CHRDL1: variants seen among roughly 807,000 people sequenced by gnomAD.
The protein encoded by CHRDL1 is chordin-like protein 1.
In CHRDL1, 19 loss-of-function variants were observed where a neutral mutation model predicts 40.9. The ratio of observed to expected loss-of-function variants is 0.46; its 90% confidence interval spans 0.32 to 0.68. The LOEUF (loss-of-function observed/expected upper bound fraction) is 0.68, where lower values mean the gene tolerates loss of function less well. CHRDL1 is among the 30% of genes least tolerant of loss of function. The pLI is 0.03. For synonymous variants in CHRDL1, 136 were observed against 123.4 expected, an observed-to-expected ratio of 1.10 and a Z score of -0.68; for missense variants, 329 against 352.1, an observed-to-expected ratio of 0.93 and a Z score of 0.53.
intron 2 of CHRDL1, among the ~76,000 whole-genome samples, chrX:110,788,729 T>C (rs1346666795): frequency 8.9e-6 from 1 of 112,120 alleles, no homozygotes; most frequent in Non-Finnish European, 1.9e-5. Flanking sequence ...AGAGCTTTTC[T>C]CCTGTTTTAA....
rs1569456462 is a variant in CHRDL1, at chrX:110,674,506, A to ACACACACACAC, written c.*1724_*1725insGTGTGTGTGTG. ...ACACACACACACACACACACACACA[A>ACACACACACAC]ACTAATGCTTTGTGACCTCTCAACC... On this transcript the variant is annotated 3_prime_UTR_variant, in exon 12 of 12. Transcript: ENST00000372042. 9 of 90,521 alleles carry ACACACACACAC rather than the reference A, an allele frequency of 9.9e-5. No individual in the cohort carries two copies. The highest frequency in any genetic ancestry group is 2.0e-4 in the African/African-American group (5 of 24,906). 7.5% of individuals were successfully genotyped at this position (90,521 alleles called of 1,213,427 possible).
chrX:110,679,645 T>C (rs1050851587), intron 10 of CHRDL1, among the ~76,000 whole-genome samples: 5 of 111,691 alleles, frequency 4.5e-5, no homozygotes, highest in Non-Finnish European at 9.4e-5. Flanking sequence ...GCTTCTCCAG[T>C]GGATGGAGAT....
intron 7 of CHRDL1, among the ~76,000 whole-genome samples, chrX:110,698,368 C>A (rs748738367): frequency 8.9e-6 from 1 of 111,785 alleles, no homozygotes; most frequent in East Asian, 2.8e-4. Flanking sequence ...CCACCTCCCA[C>A]ACCCATTCAT....
rs2069750029 is a variant in CHRDL1 at position 110,675,264 on chromosome X, T to C, written c.*967A>G. On this transcript the variant is annotated 3_prime_UTR_variant, in exon 12 of 12. Transcript: ENST00000372042. ...CTGATCTATTACTTGGTAAATTTTA[T>C]TGATGTGAAAGCAAAAAGATGGCCT... 1.8e-5 allele frequency: 2 copies of C among 112,072 alleles called. No individual in the cohort carries two copies. Among genetic ancestry groups the C allele is most frequent in the Admixed American group, 1.9e-4 (2 of 10,566 alleles). 9.2% of individuals were successfully genotyped at this position (112,072 alleles called of 1,213,427 possible).
chrX:110,691,955 G>T (rs1180455039), intron 8 of CHRDL1, among the ~76,000 whole-genome samples: 1 of 107,342 alleles, frequency 9.3e-6, no homozygotes, highest in Non-Finnish European at 1.9e-5. Flanking sequence ...AAACAGTAAC[G>T]TTCCCTTCTA....
At chrX:110,712,330 C>T (rs2070760538) in intron 6 of CHRDL1, among the ~76,000 whole-genome samples, 1 of 110,667 alleles carries the variant, frequency 9.0e-6, no homozygotes, top group Non-Finnish European at 1.9e-5. Flanking sequence ...CTATTCCAAG[C>T]TTGTGAAAAA....
intron 4 of CHRDL1, among the ~76,000 whole-genome samples, chrX:110,735,151 T>C (rs969388809): frequency 1.8e-5 from 2 of 111,395 alleles, no homozygotes. Context: ...AGCATTCCTT[T>C]GTATTGCCTA....
chrX:110,779,107 G>A (rs2089898749), intron 2 of CHRDL1, among the ~76,000 whole-genome samples: 1 of 111,158 alleles, frequency 9.0e-6, no homozygotes, highest in African/African-American at 3.3e-5. Context: ...GAGGCATGAA[G>A]GTGGGAGGAG....
chrX:110,685,065 T>A (rs1179503310), intron 9 of CHRDL1, among the ~76,000 whole-genome samples: 1 of 112,230 alleles, frequency 8.9e-6, no homozygotes, highest in Non-Finnish European at 1.9e-5. Context: ...TTTTACATGA[T>A]AAATTTTATT....
chrX:110,684,694 C>T (rs1254387485), intron 9 of CHRDL1, among the ~76,000 whole-genome samples: 6 of 112,606 alleles, frequency 5.3e-5, no homozygotes, highest in African/African-American at 1.6e-4. Flanking sequence ...TGCATGTAAC[C>T]GTGTCTTGCA....
chrX:110,763,290 C>A (rs1365046954), intron 2 of CHRDL1, among the ~76,000 whole-genome samples: 1 of 107,637 alleles, frequency 9.3e-6, no homozygotes, highest in East Asian at 2.9e-4. Context: ...CCACTCTTCC[C>A]CCCAAGTGCC....
rs2070338134 is a variant in CHRDL1 at position 110,694,214 on chromosome X, A to T, written c.727T>A (p.Ser243Thr). Residue 243 changes from serine (S) to threonine (T), a missense_variant, in exon 8 of 12, where the codon TCA becomes ACA. Coordinates refer to ENST00000372042, the MANE Select transcript of CHRDL1 (RefSeq NM_001143981.2). ...ATGACAATTTGCACAATGGTTCCTG[A>T]TGCTTGCTGGGAATCCATAAGAGCT... ...RGALMDSQQASGTIVQIVINN... is the reference protein window; with the variant it reads ...RGALMDSQQATGTIVQIVINN... 8.3e-7 allele frequency: 1 copy of T among 1,208,706 alleles called. No homozygotes were observed. The highest frequency in any genetic ancestry group is 1.7e-5 in the African/African-American group (1 of 57,148).
intron 6 of CHRDL1, among the ~76,000 whole-genome samples, chrX:110,714,420 G>A (rs991622319): frequency 8.9e-6 from 1 of 112,062 alleles, no homozygotes; most frequent in African/African-American, 3.2e-5. Flanking sequence ...CCATAAAAAT[G>A]AATGAGAGCA....
chrX:110,684,321 A>C (rs1424554810), intron 9 of CHRDL1, among the ~76,000 whole-genome samples: 5 of 112,076 alleles, frequency 4.5e-5, no homozygotes, highest in African/African-American at 1.6e-4. Context: ...CCTTTTCAAC[A>C]TAACTGAATT....
At chrX:110,761,604 GTTA>G (rs1396956199) in intron 3 of CHRDL1, among the ~76,000 whole-genome samples, 1 of 111,932 alleles carries the variant, frequency 8.9e-6, no homozygotes, top group Non-Finnish European at 1.9e-5. Context: ...GACATTTTTG[GTTA>G]TTAGGATTGG....
chrX:110,784,864 A>G (rs952266822), intron 2 of CHRDL1, among the ~76,000 whole-genome samples: 3 of 111,842 alleles, frequency 2.7e-5, no homozygotes, highest in African/African-American at 6.5e-5. Flanking sequence ...TTTCATTAGC[A>G]TAAATAACTG....
intron 7 of CHRDL1, among the ~76,000 whole-genome samples, chrX:110,694,617 A>C (rs1370234131): frequency 8.9e-6 from 1 of 112,315 alleles, no homozygotes; most frequent in East Asian, 2.8e-4. Flanking sequence ...AAAGAGCCAA[A>C]AAGGCTAAAG....
At chrX:110,756,775 T>C (rs1418144781) in intron 4 of CHRDL1, among the ~76,000 whole-genome samples, 2 of 110,723 alleles carry the variant, frequency 1.8e-5, no homozygotes, top group African/African-American at 6.6e-5. Flanking sequence ...CCAAGGAAAA[T>C]TCAGAACTAA....
chrX:110,750,470 A>T (rs1298110125), intron 4 of CHRDL1, among the ~76,000 whole-genome samples: 1 of 111,885 alleles, frequency 8.9e-6, no homozygotes, highest in Admixed American at 9.5e-5. Flanking sequence ...TGAAAAGCCC[A>T]CTACAGGACA....
Sources: gnomAD v4.1 joint callset for allele counts (sites outside exome capture counted in the v4.1 genomes callset) on GRCh38, gnomAD v4.1.1 for gene constraint, MANE v1.5 for transcripts, NCBI Gene and HGNC (gene_info 2026-07-23, HGNC 2026-07-21) for gene names.